The following PI4KA variants were observed in gnomAD, a reference collection of about 807,000 sequenced individuals.
PI4KA encodes the protein PI4-kinase alpha.
PI4KA carries 122 observed loss-of-function variants against 271.4 expected under a neutral mutation model. The observed-to-expected ratio is 0.45, with a 90% confidence interval of 0.39 to 0.52. The LOEUF (loss-of-function observed/expected upper bound fraction) is 0.52. Among genes scored for constraint, PI4KA ranks in the 20% least tolerant of loss-of-function variants. The pLI, the probability that PI4KA is intolerant of heterozygous loss-of-function variation, is 0.00. For synonymous variants in PI4KA, 1,041 were observed against 1,078.8 expected (o/e 0.96, Z 0.69); for missense variants, 1,969 against 2,769.1 (o/e 0.71, Z 6.48).
intron 19 of PI4KA, chr22:20,780,110 C>T (rs775429824): frequency 1.2e-6 from 2 of 1,614,188 alleles, no homozygotes; most frequent in South Asian, 2.2e-5. Flanking sequence ...ACAACCACAT[C>T]ATGAAGCTCA....
intron 23 of PI4KA, among the ~76,000 whole-genome samples, 177 bp from the exon 24 acceptor site, chr22:20,753,357 T>A (rs369523649): frequency 2.0e-5 from 3 of 152,200 alleles, no homozygotes; most frequent in Non-Finnish European, 4.4e-5. Context: ...GTAACCAGGC[T>A]GATGTGTCAA....
chr22:20,791,441 G>T (rs1934640165), intron 19 of PI4KA, among the ~76,000 whole-genome samples: 9 of 152,130 alleles, frequency 5.9e-5, no homozygotes, highest in Admixed American at 5.9e-4. Flanking sequence ...CTACACAGTG[G>T]GAAAATTTCT....
Position 20,729,982 on chromosome 22 carries a change from T to C in PI4KA, c.4318A>G (p.Ile1440Val). 1 of 1,614,060 alleles carries C rather than the reference T, an allele frequency of 6.2e-7. No homozygotes were observed. The highest frequency in any genetic ancestry group is 2.2e-5 in the East Asian group (1 of 44,892). The part of the protein sequence containing the change: ...DNQDTRSNLD[I>V]TVGSRQQATQ... ...GCTTGTTGCCGAGAGCCGACAGTTA[T>C]GTCCAGGTTGCTCCGGGTGTCCTGA... Residue 1440 changes from isoleucine (I) to valine (V), a missense_variant, in exon 37 of 55, where the codon ATA becomes GTA. Physicochemically the swap from Ile to Val is conservative, Grantham distance 29. Transcript: ENST00000255882.
intron 41 of PI4KA, 43 bp from the exon 42 acceptor site, chr22:20,726,584 A>T (rs1188168135): frequency 1.0e-5 from 16 of 1,544,974 alleles, no homozygotes; most frequent in African/African-American, 2.8e-5. Flanking sequence ...CTGAGAGCAG[A>T]GCCACCCAAC....
chr22:20,817,707 C>G (rs1466768073), intron 7 of PI4KA, among the ~76,000 whole-genome samples: 1 of 103,582 alleles, frequency 9.7e-6, no homozygotes, highest in Non-Finnish European at 1.8e-5. Context: ...GCACTCCAGC[C>G]TGGGTGGCAG....
intron 19 of PI4KA, chr22:20,783,908 CAAGGGTGAGACG>C: frequency 6.2e-7 from 1 of 1,606,406 alleles, no homozygotes. Flanking sequence ...GATTCACTCT[CAAGGGTGAGACG>C]ATTTCCCTAA....
chr22:20,782,142 C>T (rs1309418288), intron 19 of PI4KA, among the ~76,000 whole-genome samples: 2 of 152,222 alleles, frequency 1.3e-5, no homozygotes, highest in African/African-American at 4.8e-5. Flanking sequence ...CTCCAACCTA[C>T]TGGTCTGTTG....
intron 7 of PI4KA, among the ~76,000 whole-genome samples, chr22:20,817,605 G>A (rs1921976547): frequency 6.6e-6 from 1 of 150,848 alleles, no homozygotes; most frequent in African/African-American, 2.4e-5. Flanking sequence ...GTTGTGGAGG[G>A]TGCCTATAGT....
chr22:20,752,811 G>A, intron 25 of PI4KA, 92 bp downstream of exon 25: 1 of 1,367,016 alleles, frequency 7.3e-7, no homozygotes. Context: ...TTTTTTCCTA[G>A]ATTAATAATA....
chr22:20,743,002 T>C (rs191122982), intron 30 of PI4KA: 3 of 540,654 alleles, frequency 5.5e-6, no homozygotes, highest in African/African-American at 3.8e-5. Flanking sequence ...CCACTGCAGA[T>C]GTTCCCCAAG....
chr22:20,762,656 ATGC>A (rs2147383249), intron 22 of PI4KA, among the ~76,000 whole-genome samples: 1 of 152,268 alleles, frequency 6.6e-6, no homozygotes, highest in Non-Finnish European at 1.5e-5. Flanking sequence ...CTAGCCGTAC[ATGC>A]TGGGATGAAA....
At chr22:20,742,545 G>C in intron 31 of PI4KA, 63 bp downstream of exon 31, 1 of 1,586,766 alleles carries the variant, frequency 6.3e-7, no homozygotes, top group Admixed American at 1.7e-5. Flanking sequence ...CTGGCTATGG[G>C]TCATCAAGGC....
chr22:20,828,803 T>G (rs1405813565), intron 3 of PI4KA, among the ~76,000 whole-genome samples: 2 of 152,182 alleles, frequency 1.3e-5, no homozygotes, highest in Admixed American at 1.3e-4. Context: ...TCCGCCCACC[T>G]CGGCCTCCCA....
chr22:20,791,091 A>G lies in PI4KA; in HGVS notation c.2328+2102T>C, dbSNP rs150382952. Among the ~76,000 whole-genome samples, 23 of 152,298 alleles carry G rather than the reference A, an allele frequency of 1.5e-4. No homozygotes were observed. The East Asian group carries it at 4.4e-3, about 29-fold the overall frequency. Reference sequence around the variant, plus strand: ...AACCCTGTGACCCTCAAATTTGTGTAATTTCAACCAACCTCACCACTCACT... The same window carrying G: ...AACCCTGTGACCCTCAAATTTGTGTGATTTCAACCAACCTCACCACTCACT... On this transcript the variant is annotated intron_variant, in intron 19 of 54. Transcript: ENST00000255882.
intron 8 of PI4KA, among the ~76,000 whole-genome samples, chr22:20,812,012 C>CAAAAAAA (rs361795): frequency 9.0e-5 from 7 of 77,456 alleles, no homozygotes; most frequent in South Asian, 4.7e-4. Flanking sequence ...GACTCCATCT[C>CAAAAAAA]AAAAAAAAAA....
intron 19 of PI4KA, among the ~76,000 whole-genome samples, chr22:20,775,000 T>C (rs1276935901): frequency 1.3e-5 from 2 of 152,238 alleles, no homozygotes; most frequent in African/African-American, 2.4e-5. Flanking sequence ...TTTTGGAAGT[T>C]TGAACTTACT....
At chr22:20,793,994 G>C (rs773309442) in intron 18 of PI4KA, among the ~76,000 whole-genome samples, 3 of 152,206 alleles carry the variant, frequency 2.0e-5, no homozygotes, top group Non-Finnish European at 4.4e-5. Context: ...CTAACTTCTG[G>C]GACGATTCAT....
Position 20,785,977 on chromosome 22 carries a change from T to C in PI4KA, c.2328+7216A>G, listed in dbSNP as rs778669218. ...TTTGTAACTTGTGGTTCAATAAAACTGGGCCCCCCTTTCCTTTTCTGTCTA... is the reference window on the plus strand; with the variant it reads ...TTTGTAACTTGTGGTTCAATAAAACCGGGCCCCCCTTTCCTTTTCTGTCTA... On this transcript the variant is annotated intron_variant, in intron 19 of 54. Transcript: ENST00000255882. The C allele has an allele frequency of 3.1e-6, 5 of 1,614,170 alleles. No homozygotes were observed. In the South Asian group the frequency reaches 4.4e-5, roughly 14 times the overall value.
chr22:20,846,030 G>A (rs1399127298), intron 1 of PI4KA, among the ~76,000 whole-genome samples: 1 of 152,006 alleles, frequency 6.6e-6, no homozygotes, highest in Non-Finnish European at 1.5e-5. Flanking sequence ...GGCCGAGGCG[G>A]GCGGATCAGG....
Sources: gnomAD v4.1 joint callset for allele counts (sites outside exome capture counted in the v4.1 genomes callset) on GRCh38, gnomAD v4.1.1 for gene constraint, MANE v1.5 for transcripts, NCBI Gene and HGNC (gene_info 2026-07-23, HGNC 2026-07-21) for gene names.